RYR2: variants seen among roughly 807,000 people sequenced by gnomAD.
RYR2 encodes ryanodine receptor 2, also known as cardiac muscle ryanodine receptor-calcium release channel.
In RYR2, 227 loss-of-function variants were observed where a neutral mutation model predicts 601.1. That is an observed-to-expected ratio of 0.38 (90% CI 0.34 to 0.42). RYR2 has a LOEUF of 0.42. Among genes scored for constraint, RYR2 ranks in the 10% least tolerant of loss-of-function variants. The pLI is 1.00. For synonymous variants in RYR2, 2,223 were observed against 2,175.1 expected, an observed-to-expected ratio of 1.02 and a Z score of -0.61; for missense variants, 4,646 against 6,156.5, an observed-to-expected ratio of 0.75 and a Z score of 8.21.
chr1:237,322,077 C>A (rs983835101), intron 2 of RYR2, among the ~76,000 whole-genome samples: 3 of 152,108 alleles, frequency 2.0e-5, no homozygotes, highest in African/African-American at 7.2e-5. Context: ...GAGTTGATTT[C>A]AGCTTGATTT....
chr1:237,583,072 A>G (rs1402029182), intron 29 of RYR2, among the ~76,000 whole-genome samples: 3 of 152,106 alleles, frequency 2.0e-5, no homozygotes, highest in Non-Finnish European at 4.4e-5. Flanking sequence ...TCTTTTCTCC[A>G]CAGCCTCGTC....
intron 2 of RYR2, among the ~76,000 whole-genome samples, chr1:237,321,322 C>A (rs1295306121): frequency 6.6e-6 from 1 of 152,114 alleles, no homozygotes; most frequent in Non-Finnish European, 1.5e-5. Flanking sequence ...CAATTCCTGG[C>A]AAGAATTCCA....
In RYR2 at chr1:237,123,822, C is replaced by A. The variant is rs566492766; in HGVS notation, c.48+81253C>A. ...AGCTGGGACTACAGGTGCCCGCCAC[C>A]GCGCCCGGCTAATTTTTTGTATTTT... On this transcript the variant is annotated intron_variant, in intron 1 of 104. Transcript: ENST00000366574. Among the ~76,000 whole-genome samples the A allele has an allele frequency of 7.9e-5, 12 of 151,816 alleles. No individual in the cohort carries two copies. The South Asian group carries it at 2.5e-3, about 32-fold the overall frequency.
intron 3 of RYR2, among the ~76,000 whole-genome samples, chr1:237,349,963 G>A (rs1698616589): frequency 1.3e-5 from 2 of 151,912 alleles, no homozygotes; most frequent in African/African-American, 4.8e-5. Flanking sequence ...TTAAATAAAT[G>A]AACTTTATGA....
At chr1:237,072,625 TAAA>T (rs1022392368) in intron 1 of RYR2, among the ~76,000 whole-genome samples, 1 of 151,992 alleles carries the variant, frequency 6.6e-6, no homozygotes, top group East Asian at 1.9e-4. Context: ...TATTTAATCT[TAAA>T]AAAAATCTTT....
At chr1:237,432,451 C>A (rs967461644) in intron 12 of RYR2, among the ~76,000 whole-genome samples, 3 of 152,060 alleles carry the variant, frequency 2.0e-5, no homozygotes, top group African/African-American at 7.2e-5. Context: ...AAAGAAAATT[C>A]TTATTATCTG....
intron 56 of RYR2, 25 bp downstream of exon 56, chr1:237,660,972 T>C (rs777736157): frequency 7.4e-7 from 1 of 1,350,722 alleles, no homozygotes; most frequent in South Asian, 2.2e-5. Context: ...CGGTGATGAA[T>C]CAACTGTTTA....
intron 1 of RYR2, among the ~76,000 whole-genome samples, chr1:237,159,250 C>T (rs1040171884): frequency 2.6e-5 from 4 of 151,998 alleles, no homozygotes; most frequent in Admixed American, 2.0e-4. Context: ...GAGATCATGC[C>T]GTTGCACTCC....
chr1:237,498,581 A>G (rs530361004), intron 20 of RYR2, among the ~76,000 whole-genome samples: 4 of 152,186 alleles, frequency 2.6e-5, no homozygotes, highest in Admixed American at 6.5e-5. Flanking sequence ...GATGAAAAAA[A>G]AAAAACATTG....
intron 96 of RYR2, among the ~76,000 whole-genome samples, chr1:237,797,218 T>G (rs534365221): frequency 6.6e-6 from 1 of 151,910 alleles, no homozygotes; most frequent in Non-Finnish European, 1.5e-5. Flanking sequence ...TCTAAAAACA[T>G]GACAAATGGG....
chr1:237,501,172 GTT>G lies in RYR2; in HGVS notation c.2396+285_2396+286del, dbSNP rs58106054. On this transcript the variant is annotated intron_variant, in intron 21 of 104. Transcript: ENST00000366574. ...CCAGGGTCCTGAACTATTTCAAGGT[GTT>G]TTTTTTTTTTTTTTTAGTTCATTTA... Among the ~76,000 whole-genome samples, 37 of 127,962 alleles carry G rather than the reference GTT, an allele frequency of 2.9e-4. 1 individual carries two copies. Among genetic ancestry groups the G allele is most frequent in the African/African-American group, 6.1e-4 (22 of 36,088 alleles). 83.9% of individuals were successfully genotyped at this position (127,962 alleles called of 152,430 possible). A position where few individuals can be genotyped will look rare whatever the true frequency, so the allele number is the denominator to read the frequency against.
chr1:237,830,300 G>T, intron 102 of RYR2: 1 of 423,638 alleles, frequency 2.4e-6, no homozygotes, highest in South Asian at 2.7e-5. Context: ...CTTGTTCCCT[G>T]TCTGCGTCTG....
intron 48 of RYR2, among the ~76,000 whole-genome samples, chr1:237,644,858 C>T (rs1388831731): frequency 6.6e-6 from 1 of 151,888 alleles, no homozygotes; most frequent in African/African-American, 2.4e-5. Flanking sequence ...ATGGCAAAAC[C>T]CCATCTCTAC....
At chr1:237,275,714 T>C (rs1376007888) in intron 2 of RYR2, among the ~76,000 whole-genome samples, 1 of 152,128 alleles carries the variant, frequency 6.6e-6, no homozygotes, top group Non-Finnish European at 1.5e-5. Flanking sequence ...TATGTCAAAA[T>C]CTGAACCTCA....
At position 237,213,326 on chromosome 1, in the gene RYR2, C is replaced by T. The variant is rs142465333; in HGVS notation, c.49-57171C>T. 4.1e-4 allele frequency among the ~76,000 whole-genome samples: 62 copies of T among 152,074 alleles called. No individual in the cohort carries two copies. The East Asian group carries it at 0.011, about 27-fold the overall frequency. On this transcript the variant is annotated intron_variant, in intron 1 of 104. Transcript: ENST00000366574. ...CCAAGTAGCTGGGATTACCAGCATG[C>T]ACCACCACACCCAGCTAATTTTTGA...
chr1:237,590,593 T>C, intron 30 of RYR2, 47 bp from the exon 31 acceptor site: 1 of 1,434,138 alleles, frequency 7.0e-7, no homozygotes, highest in South Asian at 1.5e-5. Flanking sequence ...AATCAGGAAA[T>C]TGACAATGGT....
intron 29 of RYR2, among the ~76,000 whole-genome samples, chr1:237,577,471 T>G (rs567080862): frequency 6.6e-6 from 1 of 151,610 alleles, no homozygotes; most frequent in Non-Finnish European, 1.5e-5. Context: ...ACAAGGATCC[T>G]TATAAGAAGG....
chr1:237,169,346 T>TG lies in RYR2; in HGVS notation c.49-101149dup, dbSNP rs1401585950. ...ATGGAGTCTTGCTTTGTCGCCAGGC[T>TG]GGAGTGCAGTGGCACAATCTCGGCT... On this transcript the variant is annotated intron_variant, in intron 1 of 104. Transcript: ENST00000366574. 3.9e-5 allele frequency among the ~76,000 whole-genome samples: 6 copies of TG among 151,946 alleles called. No homozygotes were observed. The East Asian group carries it at 1.2e-3, about 30-fold the overall frequency.
intron 1 of RYR2, among the ~76,000 whole-genome samples, chr1:237,108,324 A>T (rs1286952343): frequency 6.6e-6 from 1 of 152,172 alleles, no homozygotes; most frequent in Non-Finnish European, 1.5e-5. Context: ...TTCTGAATGA[A>T]TTGAGACAAA....
Sources: allele counts gnomAD v4.1 joint callset (sites outside exome capture counted in the v4.1 genomes callset), GRCh38; gene constraint gnomAD v4.1.1; transcripts MANE v1.5; gene names NCBI Gene and HGNC (gene_info 2026-07-23, HGNC 2026-07-21).